Variants in ZFHX3 observed in about 807,000 individuals in gnomAD.
ZFHX3 encodes zinc finger homeobox 3.
In ZFHX3, 42 loss-of-function variants were observed where a neutral mutation model predicts 279.1. The observed-to-expected ratio is 0.15, with a 90% CI of 0.12 to 0.19. The LOEUF (loss-of-function observed/expected upper bound fraction) is 0.19. Ranked by LOEUF, ZFHX3 falls within the 10% of genes least tolerant of loss-of-function variation. The probability of loss-of-function intolerance (pLI) is 1.00; values close to 1 mark genes in which losing one functional copy is unlikely to be tolerated. For synonymous variants in ZFHX3, 2,293 were observed against 1,957.8 expected (o/e 1.17, Z -4.52); for missense variants, 4,981 against 4,754.0 (o/e 1.05, Z -1.40).
chr16:73,235,102 C>T (rs1293151427), intron 5 of ZFHX3, among the ~76,000 whole-genome samples: 1 of 152,242 alleles, frequency 6.6e-6, no homozygotes, highest in Non-Finnish European at 1.5e-5. Flanking sequence ...CGGAGTCTCA[C>T]TCTATCAACC....
intron 4 of ZFHX3, among the ~76,000 whole-genome samples, chr16:72,832,090 A>G (rs2037073737): frequency 6.6e-6 from 1 of 152,146 alleles, no homozygotes; most frequent in African/African-American, 2.4e-5. Context: ...ACACCCTGAG[A>G]TGGTGATGTG....
intron 1 of ZFHX3, among the ~76,000 whole-genome samples, chr16:73,750,861 G>A (rs1333613267): frequency 1.3e-5 from 2 of 152,102 alleles, no homozygotes; most frequent in East Asian, 1.9e-4. Flanking sequence ...CAAAGGGAGT[G>A]AAATATGAGG....
At chr16:73,229,789 A>G (rs1048552541) in intron 5 of ZFHX3, among the ~76,000 whole-genome samples, 2 of 152,212 alleles carry the variant, frequency 1.3e-5, no homozygotes, top group Non-Finnish European at 2.9e-5. Flanking sequence ...TTGAAAGAGG[A>G]CAGAGAACCA....
At chr16:72,908,585 G>C (rs1378714593) in intron 3 of ZFHX3, among the ~76,000 whole-genome samples, 1 of 152,198 alleles carries the variant, frequency 6.6e-6, no homozygotes, top group Non-Finnish European at 1.5e-5. Context: ...TTCTGGGGAA[G>C]AACCTGTTAG....
At chr16:73,319,831 A>G (rs921762715) in intron 3 of ZFHX3, among the ~76,000 whole-genome samples, 3 of 152,182 alleles carry the variant, frequency 2.0e-5, no homozygotes, top group Non-Finnish European at 2.9e-5. Context: ...GAAGAAGAAG[A>G]GAGAGGAGAG....
At chr16:73,389,782 A>T (rs1252901904) in intron 3 of ZFHX3, among the ~76,000 whole-genome samples, 2 of 152,244 alleles carry the variant, frequency 1.3e-5, no homozygotes, top group African/African-American at 4.8e-5. Flanking sequence ...AAAATCGGCC[A>T]GGCATGGCAG....
At chr16:73,143,142 A>C (rs12445418) in intron 6 of ZFHX3, among the ~76,000 whole-genome samples, 36,090 of 151,122 alleles carry the variant, frequency 0.24, 4,700 homozygotes, top group Middle Eastern at 0.38. Flanking sequence ...CTTCTCTAGG[A>C]TTGGTTTAAG....
chr16:73,584,646 T>C (rs2051904027), intron 2 of ZFHX3, among the ~76,000 whole-genome samples: 1 of 152,192 alleles, frequency 6.6e-6, no homozygotes, highest in Non-Finnish European at 1.5e-5. Context: ...AAGTCAAAGA[T>C]GAAGACGGGA....
intron 7 of ZFHX3, among the ~76,000 whole-genome samples, chr16:73,127,879 A>T (rs1301362152): frequency 6.6e-6 from 1 of 152,174 alleles, no homozygotes; most frequent in Non-Finnish European, 1.5e-5. Context: ...ATTAGATGTG[A>T]ACATGTAACT....
At chr16:73,033,215 A>G (rs987679024) in intron 1 of ZFHX3, among the ~76,000 whole-genome samples, 7 of 152,052 alleles carry the variant, frequency 4.6e-5, no homozygotes, top group Non-Finnish European at 2.9e-5. Flanking sequence ...GCACCCCCAC[A>G]TAACCCACCA....
chr16:73,745,256 T>C (rs1272407748), intron 1 of ZFHX3, among the ~76,000 whole-genome samples: 1 of 152,216 alleles, frequency 6.6e-6, no homozygotes, highest in African/African-American at 2.4e-5. Flanking sequence ...GTCAGCCTAG[T>C]AGTTGTTTCA....
chr16:72,902,446 A>G (rs1437535183), intron 3 of ZFHX3, among the ~76,000 whole-genome samples: 1 of 152,232 alleles, frequency 6.6e-6, no homozygotes, highest in African/African-American at 2.4e-5. Context: ...GCTTCCTCGC[A>G]TGGCCCTGAT....
chr16:73,206,478 G>A (rs2011806688), intron 5 of ZFHX3, among the ~76,000 whole-genome samples: 1 of 152,154 alleles, frequency 6.6e-6, no homozygotes, highest in Non-Finnish European at 1.5e-5. Context: ...TATCCCTAGG[G>A]AAGCTTAGAG....
At chr16:73,023,124 G>T (rs893982792) in intron 1 of ZFHX3, among the ~76,000 whole-genome samples, 14 of 152,222 alleles carry the variant, frequency 9.2e-5, no homozygotes, top group Admixed American at 3.9e-4. Context: ...CTACTCAGGA[G>T]CCTCAGGCAG....
At chr16:72,814,376 T>A (rs1027443993) in intron 5 of ZFHX3, among the ~76,000 whole-genome samples, 1 of 152,126 alleles carries the variant, frequency 6.6e-6, no homozygotes, top group Non-Finnish European at 1.5e-5. Flanking sequence ...GTGCACTTGC[T>A]CAATAGTGTG....
At chr16:73,470,970 A>G (rs960472838) in intron 2 of ZFHX3, among the ~76,000 whole-genome samples, 2 of 152,240 alleles carry the variant, frequency 1.3e-5, no homozygotes, top group African/African-American at 4.8e-5. Context: ...GCATCTCACT[A>G]AGAAGAACAG....
Position 72,858,075 on chromosome 16 carries a change from C to T in ZFHX3, c.3449-28216G>A, listed in dbSNP as rs144832793. Among the ~76,000 whole-genome samples, 5 of 152,306 alleles carry T rather than the reference C, an allele frequency of 3.3e-5. 1 individual carries two copies. The South Asian group carries it at 6.2e-4, about 19-fold the overall frequency. ...TGTTCTCTTCCCTGATCTGGTGCGG[C>T]GGGGGGCTCTGACGGCAGGGGTGGG... On this transcript the variant is annotated intron_variant, in intron 4 of 9. Coordinates refer to ENST00000268489, the MANE Select transcript of ZFHX3 (RefSeq NM_006885.4).
At chr16:72,802,493 T>C (rs1041120528) in intron 7 of ZFHX3, among the ~76,000 whole-genome samples, 4 of 152,192 alleles carry the variant, frequency 2.6e-5, no homozygotes, top group African/African-American at 9.7e-5. Context: ...CCCATATGTG[T>C]TTAAGTAACT....
chr16:72,991,176 T>C, intron 1 of ZFHX3, among the ~76,000 whole-genome samples: 1 of 152,220 alleles, frequency 6.6e-6, no homozygotes, highest in Non-Finnish European at 1.5e-5. Flanking sequence ...AGAGACCATA[T>C]TCCCATAACT....
Sources: allele counts gnomAD v4.1 joint callset (sites outside exome capture counted in the v4.1 genomes callset), GRCh38; gene constraint gnomAD v4.1.1; transcripts MANE v1.5; gene names NCBI Gene and HGNC (gene_info 2026-07-23, HGNC 2026-07-21).